TENM2: variants seen among roughly 807,000 people sequenced by gnomAD.
TENM2 encodes teneurin transmembrane protein 2.
Under a neutral mutation model 245.2 loss-of-function variants are expected in TENM2, and 52 were observed. The ratio of observed to expected loss-of-function variants is 0.21; its 90% CI spans 0.17 to 0.27. TENM2 has a LOEUF of 0.27. Among genes scored for constraint, TENM2 ranks in the 10% least tolerant of loss-of-function variants. The pLI, the probability that TENM2 is intolerant of heterozygous loss-of-function variation, is 1.00. For missense variants in TENM2, 3,046 were observed against 3,666.8 expected (o/e 0.83, Z 4.37); for synonymous variants, 1,363 against 1,438.9 (o/e 0.95, Z 1.19).
chr5:168,248,164 A>T (rs746648097), exon 27 of TENM2: 1 of 1,614,012 alleles, frequency 6.2e-7, no homozygotes, highest in East Asian at 2.2e-5. Flanking sequence ...CCAGATGGTC[A>T]TTGGCTTCCA....
At chr5:168,023,604 T>C (rs1238288826) in intron 5 of TENM2, among the ~76,000 whole-genome samples, 1 of 152,082 alleles carries the variant, frequency 6.6e-6, no homozygotes, top group Non-Finnish European at 1.5e-5. Flanking sequence ...AACAATAAAA[T>C]CACAACACTC....
intron 7 of TENM2, among the ~76,000 whole-genome samples, chr5:168,072,136 A>G (rs968010569): frequency 2.0e-5 from 3 of 152,208 alleles, no homozygotes; most frequent in Non-Finnish European, 2.9e-5. Context: ...GAGGACAAGG[A>G]GCCAAATGTG....
At chr5:167,575,970 A>C (rs896780099) in intron 2 of TENM2, among the ~76,000 whole-genome samples, 13 of 152,172 alleles carry the variant, frequency 8.5e-5, no homozygotes, top group African/African-American at 3.1e-4. Flanking sequence ...TCTGCTGCTG[A>C]TAATGATGAT....
At chr5:168,012,717 G>A (rs1785330909) in intron 5 of TENM2, among the ~76,000 whole-genome samples, 1 of 130,970 alleles carries the variant, frequency 7.6e-6, no homozygotes, top group Non-Finnish European at 1.6e-5. Flanking sequence ...AGGATGCTCA[G>A]CCAAGGCAGT....
the TENM2 span, among the ~76,000 whole-genome samples, chr5:167,137,566 A>C: frequency 6.6e-6 from 1 of 152,120 alleles, no homozygotes; most frequent in Non-Finnish European, 1.5e-5. Flanking sequence ...GGAGCTTGAG[A>C]GTTGGGTTAA....
At chr5:167,094,339 C>A in the TENM2 span, among the ~76,000 whole-genome samples, 8 of 152,106 alleles carry the variant, frequency 5.3e-5, no homozygotes, top group Non-Finnish European at 1.0e-4. Context: ...CTTTCTTCCA[C>A]CCCTATTCCC....
At chr5:167,458,703 A>G (rs1358142842) in intron 2 of TENM2, among the ~76,000 whole-genome samples, 2 of 152,152 alleles carry the variant, frequency 1.3e-5, no homozygotes, top group East Asian at 1.9e-4. Flanking sequence ...ATTATTTGCC[A>G]GACAGTTTTC....
In TENM2 at chr5:167,655,054, A is replaced by G. The variant is rs955382037; in HGVS notation, c.503-220932A>G. Among the ~76,000 whole-genome samples, 17 of 152,304 alleles carry G rather than the reference A, an allele frequency of 1.1e-4. No individual in the cohort carries two copies. The East Asian group carries it at 3.3e-3, about 29-fold the overall frequency. On this transcript the variant is annotated intron_variant, in intron 2 of 28. Coordinates refer to ENST00000518659, the Ensembl canonical transcript of TENM2. ...TCTTCATTATATAAGCAATTGTGTTAGTTATTTAAGATTACAGACGATCGA... is the reference window on the plus strand; with the variant it reads ...TCTTCATTATATAAGCAATTGTGTTGGTTATTTAAGATTACAGACGATCGA...
chr5:168,159,579 A>G (rs1185072332), intron 12 of TENM2, among the ~76,000 whole-genome samples: 2 of 152,216 alleles, frequency 1.3e-5, no homozygotes, highest in African/African-American at 4.8e-5. Context: ...TCACTTCCTC[A>G]GAAGGCCACC....
Position 168,237,277 on chromosome 5 carries a change from C to T in TENM2, c.5521-7143C>T, listed in dbSNP as rs183010885. On this transcript the variant is annotated intron_variant, in intron 25 of 28. Transcript: ENST00000518659. Reference sequence around the variant, plus strand: ...AAGCGATCCACCCGCCTCAGCCTCCCAAAGTGCTGGGATTATAGGTGTGAG... The same window carrying T: ...AAGCGATCCACCCGCCTCAGCCTCCTAAAGTGCTGGGATTATAGGTGTGAG... 1.9e-3 allele frequency among the ~76,000 whole-genome samples: 283 copies of T among 151,532 alleles called. 3 individuals are homozygous for T. Among genetic ancestry groups the T allele is most frequent in the South Asian group, 5.6e-3 (27 of 4,784 alleles).
intron 14 of TENM2, among the ~76,000 whole-genome samples, chr5:168,193,323 A>T (rs1226321969): frequency 2.0e-5 from 3 of 152,244 alleles, no homozygotes; most frequent in Non-Finnish European, 4.4e-5. Context: ...AAAATTCAAG[A>T]TTTCTAAAAG....
intron 2 of TENM2, among the ~76,000 whole-genome samples, chr5:167,643,321 C>T (rs1039039102): frequency 3.3e-5 from 5 of 152,108 alleles, no homozygotes; most frequent in African/African-American, 9.7e-5. Flanking sequence ...TATAAATTTG[C>T]CGTTTCTGGA....
At chr5:167,855,024 C>A (rs1267895220) in intron 2 of TENM2, among the ~76,000 whole-genome samples, 1 of 152,148 alleles carries the variant, frequency 6.6e-6, no homozygotes, top group Non-Finnish European at 1.5e-5. Context: ...TATCTTGTCA[C>A]TCCTCCCTCA....
At chr5:167,447,263 CAT>C (rs1485376427) in intron 2 of TENM2, among the ~76,000 whole-genome samples, 1 of 152,202 alleles carries the variant, frequency 6.6e-6, no homozygotes, top group Admixed American at 6.5e-5. Flanking sequence ...AATAAAGCAA[CAT>C]GTGCTAAGAA....
chr5:167,357,971 C>A (rs543272337), intron 1 of TENM2, among the ~76,000 whole-genome samples: 1 of 152,326 alleles, frequency 6.6e-6, no homozygotes, highest in Non-Finnish European at 1.5e-5. Context: ...CTACTGTTAT[C>A]CCAGGTAAAG....
chr5:167,516,140 G>C (rs2127576419), intron 2 of TENM2, among the ~76,000 whole-genome samples: 1 of 152,130 alleles, frequency 6.6e-6, no homozygotes, highest in South Asian at 2.1e-4. Context: ...GAAATATTTA[G>C]GACAATCGAA....
the TENM2 span, among the ~76,000 whole-genome samples, chr5:167,176,980 T>C: frequency 1.3e-5 from 2 of 152,194 alleles, no homozygotes; most frequent in Non-Finnish European, 2.9e-5. Context: ...AAAGAAAAAC[T>C]GCAACGTCAA....
intron 2 of TENM2, among the ~76,000 whole-genome samples, chr5:167,557,062 T>C (rs1258038654): frequency 2.0e-5 from 3 of 152,346 alleles, no homozygotes; most frequent in African/African-American, 7.2e-5. Context: ...AAGAGTTTTC[T>C]AATCATTTTG....
chr5:167,561,154 C>T (rs926683132), intron 2 of TENM2, among the ~76,000 whole-genome samples: 12 of 152,260 alleles, frequency 7.9e-5, no homozygotes, highest in African/African-American at 2.9e-4. Flanking sequence ...TGTCAGAATC[C>T]ATCTACTATG....
Sources: allele counts gnomAD v4.1 joint callset (sites outside exome capture counted in the v4.1 genomes callset), GRCh38; gene constraint gnomAD v4.1.1; transcripts MANE v1.5; gene names NCBI Gene and HGNC (gene_info 2026-07-23, HGNC 2026-07-21).